Variants in RBPJ observed in about 807,000 individuals in gnomAD.
The protein encoded by RBPJ is recombination signal binding protein for immunoglobulin kappa J region.
Under a neutral mutation model 67.8 loss-of-function variants are expected in RBPJ, and 9 were observed. That is an observed-to-expected ratio of 0.13 (90% CI 0.08 to 0.23). RBPJ has a LOEUF of 0.23. Ranked by LOEUF, RBPJ falls within the 10% of genes least tolerant of loss-of-function variation. RBPJ has a pLI of 1.00. For synonymous variants in RBPJ, 198 were observed against 203.3 expected (o/e 0.97, Z 0.22); for missense variants, 305 against 595.6 (o/e 0.51, Z 5.08).
chr4:26,165,954 A>C (rs1716275511), intron 1 of RBPJ, among the ~76,000 whole-genome samples: 1 of 148,854 alleles, frequency 6.7e-6, no homozygotes, highest in Admixed American at 6.9e-5. Flanking sequence ...TCTGTGAGTG[A>C]GAACATGCGG....
intron 1 of RBPJ, among the ~76,000 whole-genome samples, chr4:26,250,929 A>G (rs1197005504): frequency 6.6e-6 from 1 of 152,208 alleles, no homozygotes; most frequent in African/African-American, 2.4e-5. Flanking sequence ...GTGGAAGTAA[A>G]CTTTATCCTT....
chr4:26,234,971 T>C (rs1042535704), intron 1 of RBPJ, among the ~76,000 whole-genome samples: 134 of 152,210 alleles, frequency 8.8e-4, no homozygotes, highest in Admixed American at 6.9e-3. Context: ...GGATTACAGG[T>C]GTGAGCCACT....
At chr4:26,349,093 C>CGCGCGCGCGCGT (rs113326244) in intron 1 of RBPJ, among the ~76,000 whole-genome samples, 76,453 of 150,550 alleles carry the variant, frequency 0.51, 20,153 homozygotes, top group Admixed American at 0.61. Flanking sequence ...TGTGTGCGCG[C>CGCGCGCGCGCGT]GCGCACGCAC....
Position 26,262,913 on chromosome 4 carries a change from C to T in RBPJ, c.-167+99299C>T, listed in dbSNP as rs551616445. Among the ~76,000 whole-genome samples, 7 of 152,290 alleles carry T rather than the reference C, an allele frequency of 4.6e-5. No homozygotes were observed. The South Asian group carries it at 1.5e-3, about 32-fold the overall frequency. Reference sequence around the variant, plus strand: ...CCATCAGGCTTCCCAGAGCAGAATCCTGAATGTTACCATTCATTTATGTTT... The same window carrying T: ...CCATCAGGCTTCCCAGAGCAGAATCTTGAATGTTACCATTCATTTATGTTT... On this transcript the variant is annotated intron_variant, in intron 1 of 4. Transcript: ENST00000512351.
At chr4:26,176,223 C>T (rs189491149) in intron 1 of RBPJ, among the ~76,000 whole-genome samples, 1 of 152,318 alleles carries the variant, frequency 6.6e-6, no homozygotes, top group Admixed American at 6.5e-5. Flanking sequence ...CAACTATACT[C>T]AGAAACACCC....
intron 1 of RBPJ, among the ~76,000 whole-genome samples, chr4:26,306,606 T>C (rs1218218510): frequency 6.6e-6 from 1 of 151,946 alleles, no homozygotes; most frequent in African/African-American, 2.4e-5. Flanking sequence ...TCCGCCACCA[T>C]GCCCGGCCAA....
chr4:26,197,239 C>T (rs1239746942), intron 1 of RBPJ, among the ~76,000 whole-genome samples: 7 of 152,184 alleles, frequency 4.6e-5, no homozygotes, highest in Non-Finnish European at 8.8e-5. Context: ...ATAAGATCTA[C>T]TCAGCACTTG....
intron 1 of RBPJ, among the ~76,000 whole-genome samples, chr4:26,184,814 C>A (rs1717170438): frequency 6.6e-6 from 1 of 152,148 alleles, no homozygotes; most frequent in African/African-American, 2.4e-5. Flanking sequence ...TAATAGATAC[C>A]AATCTGTCTA....
At chr4:26,271,469 T>G (rs1720913601) in intron 1 of RBPJ, among the ~76,000 whole-genome samples, 2 of 152,068 alleles carry the variant, frequency 1.3e-5, no homozygotes, top group African/African-American at 4.8e-5. Flanking sequence ...GAAGAATAGG[T>G]GACAGCCTGT....
At chr4:26,426,483 T>C (rs1344796386) in intron 7 of RBPJ, among the ~76,000 whole-genome samples, 1 of 152,240 alleles carries the variant, frequency 6.6e-6, no homozygotes, top group Non-Finnish European at 1.5e-5. Context: ...AGTACCATTA[T>C]TAAGACGCTG....
chr4:26,401,834 G>T (rs913292047), intron 2 of RBPJ, among the ~76,000 whole-genome samples: 1 of 150,850 alleles, frequency 6.6e-6, no homozygotes, highest in Non-Finnish European at 1.5e-5. Context: ...TGCCAGTTTT[G>T]TCAGGATATT....
In RBPJ at chr4:26,386,340, T is replaced by C. The variant is rs766475781; in HGVS notation, c.21-13T>C. Reference sequence around the variant, plus strand: ...CTTACTTAACTTTATTTTCTTTATTTTTTTTTTTCCAGGAAATTTGGTGAG... The same window carrying C: ...CTTACTTAACTTTATTTTCTTTATTCTTTTTTTTCCAGGAAATTTGGTGAG... On this transcript the variant is annotated splice_polypyrimidine_tract_variant and intron_variant, in intron 1 of 10. Transcript: ENST00000355476. 7.6e-6 allele frequency: 12 copies of C among 1,586,854 alleles called. No individual in the cohort carries two copies. In the African/African-American group the frequency reaches 1.6e-4, roughly 22 times the overall value.
intron 1 of RBPJ, among the ~76,000 whole-genome samples, chr4:26,184,049 G>A (rs927946197): frequency 1.3e-5 from 2 of 151,698 alleles, no homozygotes; most frequent in African/African-American, 4.8e-5. Flanking sequence ...AGGCATGGTG[G>A]TGGGTGCCTG....
intron 2 of RBPJ, among the ~76,000 whole-genome samples, chr4:26,398,640 G>T (rs188541434): frequency 1.7e-3 from 257 of 152,266 alleles, no homozygotes; most frequent in Non-Finnish European, 3.0e-3. Flanking sequence ...TGGAAACAGA[G>T]TCTCGCTCTG....
chr4:26,381,160 T>G (rs1238005008), intron 1 of RBPJ, among the ~76,000 whole-genome samples: 1 of 151,408 alleles, frequency 6.6e-6, no homozygotes, highest in Admixed American at 6.6e-5. Flanking sequence ...CCAGAAAAGG[T>G]GTTAAGATGG....
intron 1 of RBPJ, among the ~76,000 whole-genome samples, chr4:26,168,812 T>C (rs1405461649): frequency 6.6e-6 from 1 of 152,168 alleles, no homozygotes; most frequent in Non-Finnish European, 1.5e-5. Context: ...TCACTTCATT[T>C]CATTCATTTC....
intron 1 of RBPJ, among the ~76,000 whole-genome samples, chr4:26,171,297 ATGTCACTGTACAGTATACAAGG>A (rs1003330900): frequency 6.6e-6 from 1 of 152,212 alleles, no homozygotes; most frequent in Non-Finnish European, 1.5e-5. Flanking sequence ...AAACATAGAC[ATGTCACTGTACAGTATACAAGG>A]TGTCACTGTA....
At chr4:26,238,151 TC>T (rs1719513621) in intron 1 of RBPJ, among the ~76,000 whole-genome samples, 1 of 152,196 alleles carries the variant, frequency 6.6e-6, no homozygotes, top group South Asian at 2.1e-4. Flanking sequence ...AGCATCGACC[TC>T]CCAGCCTCAA....
In RBPJ at chr4:26,426,984, C is replaced by T. The variant is rs145290515; in HGVS notation, c.748-1736C>T. Among the ~76,000 whole-genome samples, 274 of 152,164 alleles carry T rather than the reference C, an allele frequency of 1.8e-3. 1 individual carries two copies. Among genetic ancestry groups the T allele is most frequent in the Non-Finnish European group, 2.5e-3 (173 of 68,024 alleles). Reference sequence around the variant, plus strand: ...CCACTGGAGGATTTTAAACGGGGCACGATGGCCTATTTTTGTTTAGAAGTA... The same window carrying T: ...CCACTGGAGGATTTTAAACGGGGCATGATGGCCTATTTTTGTTTAGAAGTA... On this transcript the variant is annotated intron_variant, in intron 7 of 10. Coordinates refer to ENST00000355476, the MANE Select transcript of RBPJ (RefSeq NM_015874.6).
Sources: gnomAD v4.1 joint callset for allele counts (sites outside exome capture counted in the v4.1 genomes callset) on GRCh38, gnomAD v4.1.1 for gene constraint, MANE v1.5 for transcripts, NCBI Gene and HGNC (gene_info 2026-07-23, HGNC 2026-07-21) for gene names.